ELF1: variants seen among roughly 807,000 people sequenced by gnomAD.
The protein encoded by ELF1 is ETS-related transcription factor Elf-1.
In ELF1, 24 loss-of-function variants were observed where a neutral mutation model predicts 59.9. That is an observed-to-expected ratio of 0.40 (90% confidence interval 0.29 to 0.56). The LOEUF (loss-of-function observed/expected upper bound fraction) is 0.56, where lower values mean the gene tolerates loss of function less well. ELF1 is among the 20% of genes least tolerant of loss of function. ELF1 has a pLI of 0.44. For missense variants in ELF1, 627 were observed against 742.2 expected (o/e 0.84, Z 1.80); for synonymous variants, 248 against 266.2 (o/e 0.93, Z 0.67).
upstream of ELF1, among the ~76,000 whole-genome samples, chr13:41,020,019 T>C (rs568368439): frequency 2.1e-3 from 326 of 152,374 alleles, 8 homozygotes; most frequent in Non-Finnish European, 5.1e-4. Flanking sequence ...GGTACGATCA[T>C]AGTTCATAAC....
intron 1 of ELF1, among the ~76,000 whole-genome samples, chr13:41,044,953 T>C (rs1262064014): frequency 7.2e-5 from 11 of 152,224 alleles, no homozygotes; most frequent in Admixed American, 6.5e-4. Flanking sequence ...AGGCTATTAA[T>C]TATTTCCTCA....
At chr13:41,019,776 C>T (rs775738028), upstream of ELF1, among the ~76,000 whole-genome samples, 4 of 151,998 alleles carry the variant, frequency 2.6e-5, no homozygotes, top group Non-Finnish European at 4.4e-5. Context: ...AGATATATTG[C>T]TATGTAGTCT....
intron 2 of ELF1, among the ~76,000 whole-genome samples, chr13:40,970,534 C>T (rs1378285416): frequency 6.6e-6 from 1 of 152,196 alleles, no homozygotes; most frequent in African/African-American, 2.4e-5. Flanking sequence ...GTTATCTTTA[C>T]ATTGTATTCA....
chr13:40,963,372 C>T (rs1216934382), intron 2 of ELF1, among the ~76,000 whole-genome samples: 1 of 152,186 alleles, frequency 6.6e-6, no homozygotes, highest in African/African-American at 2.4e-5. Flanking sequence ...GAGTCTATAA[C>T]AAAATTTCTC....
intron 1 of ELF1, among the ~76,000 whole-genome samples, chr13:41,011,730 C>T (rs1875076233): frequency 7.2e-5 from 11 of 152,072 alleles, no homozygotes; most frequent in Non-Finnish European, 1.5e-5. Flanking sequence ...AGGCTTGAGC[C>T]ACCGTGCCTG....
intron 1 of ELF1, among the ~76,000 whole-genome samples, chr13:41,009,840 C>CT (rs1874948369): frequency 6.6e-6 from 1 of 151,872 alleles, no homozygotes. Context: ...ATGTAAAACT[C>CT]TAAGAATGAT....
At chr13:41,058,226 T>G (rs1412589645) in intron 1 of ELF1, among the ~76,000 whole-genome samples, 3 of 152,180 alleles carry the variant, frequency 2.0e-5, no homozygotes, top group African/African-American at 7.2e-5. Flanking sequence ...TTTATCAAGT[T>G]AAAATTCCTT....
rs760888951 is a variant in ELF1, at chr13:40,933,535, T to C, written c.1750A>G (p.Lys584Glu). 1.9e-6 allele frequency: 3 copies of C among 1,614,262 alleles called. No homozygotes were observed. The highest frequency in any genetic ancestry group is 2.5e-6 in the Non-Finnish European group (3 of 1,180,046). Residue 584 changes from lysine (K) to glutamate (E), a missense_variant, in exon 9 of 9, where the codon AAA becomes GAA. Lys to Glu is a moderately conservative substitution (Grantham distance 56). Coordinates refer to ENST00000239882, the MANE Select transcript of ELF1 (RefSeq NM_172373.4). ...TAAGGCTGTGGCTGCTGCTCCGTTT[T>C]CTCAGTGTTCTCTTTCAAATGATCT... is the stretch of plus-strand genomic sequence containing the variant. The part of the protein sequence containing the change: ...SEDHLKENTE[K>E]TEQQPQPYVM...
intron 1 of ELF1, among the ~76,000 whole-genome samples, chr13:41,059,968 C>T (rs1271575706): frequency 2.0e-5 from 3 of 152,192 alleles, no homozygotes; most frequent in East Asian, 3.8e-4. Flanking sequence ...GTATTTTTCT[C>T]CTCCATAGCT....
chr13:41,050,164 C>T (rs1270084671), intron 1 of ELF1, among the ~76,000 whole-genome samples: 1 of 151,946 alleles, frequency 6.6e-6, no homozygotes, highest in Non-Finnish European at 1.5e-5. Context: ...TAAGCAATAA[C>T]CCCCCTTTCT....
chr13:41,040,494 T>C (rs1487951054), intron 1 of ELF1, among the ~76,000 whole-genome samples: 1 of 152,126 alleles, frequency 6.6e-6, no homozygotes, highest in African/African-American at 2.4e-5. Context: ...GACAGTTTTG[T>C]GGAAGACAAT....
At chr13:41,042,657 C>T (rs1175001049) in intron 1 of ELF1, among the ~76,000 whole-genome samples, 3 of 152,146 alleles carry the variant, frequency 2.0e-5, no homozygotes, top group African/African-American at 7.2e-5. Context: ...TTTATGGCTG[C>T]ATAGTATTCC....
At chr13:40,940,070 C>T (rs1001841081) in intron 8 of ELF1, among the ~76,000 whole-genome samples, 2 of 152,084 alleles carry the variant, frequency 1.3e-5, no homozygotes, top group African/African-American at 4.8e-5. Flanking sequence ...TGAGCAAAAC[C>T]TCCACATTTA....
In ELF1 at chr13:40,951,598, G is replaced by A. The variant is rs190239636; in HGVS notation, c.254-162C>T. The A allele has an allele frequency of 3.3e-4, 148 of 445,050 alleles. 1 individual carries two copies. The highest frequency in any genetic ancestry group is 2.4e-3 in the African/African-American group (117 of 48,948). 27.6% of individuals were successfully genotyped at this position (445,050 alleles called of 1,614,324 possible). ...CAAAATCATACCAAACCTGGCTGGC[G>A]CAGTGGCTCATTCCTGTAATCCCGC... On this transcript the variant is annotated intron_variant, in intron 3 of 8. Coordinates refer to ENST00000239882, the MANE Select transcript of ELF1 (RefSeq NM_172373.4).
chr13:40,990,190 C>T (rs1420549329), intron 1 of ELF1, among the ~76,000 whole-genome samples: 1 of 152,126 alleles, frequency 6.6e-6, no homozygotes, highest in Non-Finnish European at 1.5e-5. Context: ...AGGTCTTTTA[C>T]ATTATTTCAA....
chr13:40,979,742 T>C (rs1222553536), intron 2 of ELF1, among the ~76,000 whole-genome samples: 1 of 152,234 alleles, frequency 6.6e-6, no homozygotes, highest in African/African-American at 2.4e-5. Flanking sequence ...TATGCAGTTT[T>C]GTATATATGT....
At chr13:40,992,019 A>C (rs1209311859) in intron 1 of ELF1, among the ~76,000 whole-genome samples, 3 of 152,212 alleles carry the variant, frequency 2.0e-5, no homozygotes, top group Admixed American at 1.3e-4. Flanking sequence ...TTTGGAAAAA[A>C]ATAGGGGAAA....
intron 8 of ELF1, among the ~76,000 whole-genome samples, chr13:40,934,282 A>G (rs1169949089): frequency 6.6e-6 from 1 of 152,198 alleles, no homozygotes; most frequent in Non-Finnish European, 1.5e-5. Context: ...AGGTCTGTAC[A>G]TAGGGCCACA....
intron 5 of ELF1, among the ~76,000 whole-genome samples, chr13:40,949,276 G>A (rs989515479): frequency 1.4e-4 from 21 of 151,512 alleles, no homozygotes; most frequent in African/African-American, 4.6e-4. Context: ...ATGAGCCACC[G>A]CACCTGGCCC....
Sources: allele counts gnomAD v4.1 joint callset (sites outside exome capture counted in the v4.1 genomes callset), GRCh38; gene constraint gnomAD v4.1.1; transcripts MANE v1.5; gene names NCBI Gene and HGNC (gene_info 2026-07-23, HGNC 2026-07-21).